The following TASOR variants were observed in gnomAD, a reference collection of about 807,000 sequenced individuals.
TASOR encodes the protein transcription activation suppressor, also known as protein TASOR.
In TASOR, 53 loss-of-function variants were observed where a neutral mutation model predicts 178.6. That is an observed-to-expected ratio of 0.30 (90% confidence interval 0.24 to 0.37). The LOEUF (loss-of-function observed/expected upper bound fraction) is 0.37. Among genes scored for constraint, TASOR ranks in the 10% least tolerant of loss-of-function variants. The pLI is 1.00. For missense variants in TASOR, 1,815 were observed against 1,971.4 expected, an observed-to-expected ratio of 0.92 and a Z score of 1.50; for synonymous variants, 713 against 696.2, an observed-to-expected ratio of 1.02 and a Z score of -0.38.
Position 56,621,742 on chromosome 3 carries a change from C to A in TASOR, c.*1295G>T. ...TATTTTTTTAAATGCTCATTAAAAA[C>A]TTGTATACTATGTAGTAAAATGCTG... On this transcript the variant is annotated 3_prime_UTR_variant, in exon 24 of 24. Transcript: ENST00000683822. 1.4e-5 allele frequency: 6 copies of A among 442,690 alleles called. No homozygotes were observed. The highest frequency in any genetic ancestry group is 4.7e-5 in the East Asian group (1 of 21,310). The allele number at this position is 442,690 out of a possible 1,614,324, so 27.4% of individuals were successfully genotyped here.
rs2076668930 is a variant in TASOR at position 56,621,792 on chromosome 3, A to ATACT, written c.*1241_*1244dup. 1 of 272,496 alleles carries ATACT rather than the reference A, an allele frequency of 3.7e-6. No individual in the cohort carries two copies. The highest frequency in any genetic ancestry group is 6.8e-6 in the Non-Finnish European group (1 of 147,648). 16.9% of individuals were successfully genotyped at this position (272,496 alleles called of 1,614,324 possible). A position where few individuals can be genotyped will look rare whatever the true frequency, so the allele number is the denominator to read the frequency against. ...GTACTTGTTCTATACAATAAAACAG[A>ATACT]TACTTCTTTTGTAAAAGCTTAGTAG... On this transcript the variant is annotated 3_prime_UTR_variant, in exon 24 of 24. Coordinates refer to ENST00000683822, the MANE Select transcript of TASOR (RefSeq NM_001365635.2).
chr3:56,641,523 C>T lies in TASOR; in HGVS notation c.2445G>A (p.Glu815=), dbSNP rs1387168185. 33 of 1,614,030 alleles carry T rather than the reference C, an allele frequency of 2.0e-5. No individual in the cohort carries two copies. Among genetic ancestry groups the T allele is most frequent in the Non-Finnish European group, 2.6e-5 (31 of 1,179,986 alleles). ...YEELRQKHEY[E]LNSTPDKKDY... is the part of the protein sequence containing the mutation. The stretch of plus-strand genomic sequence containing the variant: ...CTTTCTTATCTGGGGTAGAGTTCAA[C>T]TCATACTCATGTTTTTGCCTCAGCT... The change falls in exon 15 of 24, where the codon GAG becomes GAA. Residue 815 remains glutamate, a synonymous_variant. Transcript: ENST00000683822.
intron 7 of TASOR, 183 bp from the exon 8 acceptor site, chr3:56,663,755 C>T (rs79557821): frequency 0.016 from 17,210 of 1,045,222 alleles, 218 homozygotes; most frequent in African/African-American, 0.063. Flanking sequence ...TTAGAGAAAA[C>T]AGAAGTACTT....
At chr3:56,664,808 C>T (rs751634206) in intron 7 of TASOR, among the ~76,000 whole-genome samples, 31 of 152,142 alleles carry the variant, frequency 2.0e-4, no homozygotes, top group Non-Finnish European at 3.5e-4. Flanking sequence ...TAACTGCTTC[C>T]TATTTGGTCA....
At chr3:56,635,414 G>A (rs190841479) in intron 17 of TASOR, among the ~76,000 whole-genome samples, 11 of 152,276 alleles carry the variant, frequency 7.2e-5, no homozygotes, top group Admixed American at 3.9e-4. Flanking sequence ...ACATTAAAAT[G>A]TGCTTTAGTA....
At chr3:56,652,017 G>T (rs2107590305) in intron 11 of TASOR, among the ~76,000 whole-genome samples, 1 of 152,294 alleles carries the variant, frequency 6.6e-6, no homozygotes, top group South Asian at 2.1e-4. Flanking sequence ...ATGAAGTTCT[G>T]ATATATGCTA....
chr3:56,666,849 G>A (rs1412214781), intron 6 of TASOR, among the ~76,000 whole-genome samples: 1 of 152,160 alleles, frequency 6.6e-6, no homozygotes. Flanking sequence ...TCTGAACATA[G>A]GTGACAAAGA....
intron 1 of TASOR, among the ~76,000 whole-genome samples, chr3:56,680,276 T>C (rs898410367): frequency 2.6e-5 from 4 of 152,174 alleles, no homozygotes; most frequent in Admixed American, 1.3e-4. Context: ...CCACAAAACA[T>C]TGTTGAGATT....
rs1174059841 is a variant in TASOR at position 56,683,022 on chromosome 3, A to C, written c.-16T>G. Reference sequence around the variant, plus strand: ...CAGTCGCCATCGCGCCGGCCTAAGGAGCTCTGGGAAGCTTCTGCCCACAAG... The same window carrying C: ...CAGTCGCCATCGCGCCGGCCTAAGGCGCTCTGGGAAGCTTCTGCCCACAAG... On this transcript the variant is annotated 5_prime_UTR_variant, in exon 1 of 24. Transcript: ENST00000683822. 23 of 1,509,684 alleles carry C rather than the reference A, an allele frequency of 1.5e-5. No homozygotes were observed. Among genetic ancestry groups the C allele is most frequent in the Non-Finnish European group, 2.0e-5 (23 of 1,127,240 alleles). The allele number at this position is 1,509,684 out of a possible 1,614,324, so 93.5% of individuals were successfully genotyped here.
rs1455347099 is a variant in TASOR at position 56,621,354 on chromosome 3, G to GTGA, written c.*1680_*1682dup. 2.4e-6 allele frequency: 1 copy of GTGA among 410,318 alleles called. No individual in the cohort carries two copies. Among genetic ancestry groups the GTGA allele is most frequent in the African/African-American group, 2.1e-5 (1 of 48,740 alleles). The allele number at this position is 410,318 out of a possible 1,614,324, so 25.4% of individuals were successfully genotyped here. A position where few individuals can be genotyped will look rare whatever the true frequency, so the allele number is the denominator to read the frequency against. On this transcript the variant is annotated 3_prime_UTR_variant, in exon 24 of 24. Transcript: ENST00000683822. ...ATGCTAAAAACAGAATCTTACAAATGTGATAGCTATATATCCAAATGAGGT... is the reference window on the plus strand; with the variant it reads ...ATGCTAAAAACAGAATCTTACAAATGTGATGATAGCTATATATCCAAATGAGGT...
intron 1 of TASOR, among the ~76,000 whole-genome samples, chr3:56,681,223 T>A (rs1026747888): frequency 2.0e-5 from 3 of 152,156 alleles, no homozygotes; most frequent in Non-Finnish European, 4.4e-5. Context: ...CAGAGCCCAT[T>A]TGAATGTACT....
At position 56,641,454 on chromosome 3, in the gene TASOR, A is replaced by C; in HGVS notation, c.2514T>G (p.Phe838Leu). Residue 838 changes from phenylalanine (F) to leucine (L), a missense_variant, in exon 15 of 24, where the codon TTT becomes TTG. By Grantham distance (22) the Phe-to-Leu change is conservative (BLOSUM62 0). Coordinates refer to ENST00000683822, the MANE Select transcript of TASOR (RefSeq NM_001365635.2). ...PTCAKVENAQFKGTQSLLLEV... is the reference protein window; with the variant it reads ...PTCAKVENAQLKGTQSLLLEV... ...CTAGTAATAAGCTCTGAGTACCCTTAAACTGTGCATTTTCAACTTTTGCAC... is the reference window on the plus strand; with the variant it reads ...CTAGTAATAAGCTCTGAGTACCCTTCAACTGTGCATTTTCAACTTTTGCAC... The C allele has an allele frequency of 6.2e-7, 1 of 1,613,434 alleles. No homozygotes were observed. Among genetic ancestry groups the C allele is most frequent in the Non-Finnish European group, 8.5e-7 (1 of 1,179,330 alleles).
intron 11 of TASOR, among the ~76,000 whole-genome samples, chr3:56,654,045 T>C (rs9879536): frequency 0.053 from 8,034 of 152,192 alleles, 697 homozygotes; most frequent in African/African-American, 0.18. Flanking sequence ...GGCAGGCAGA[T>C]CACTTGAGCC....
intron 18 of TASOR, 103 bp from the exon 19 acceptor site, chr3:56,628,717 G>A: frequency 1.3e-6 from 1 of 742,232 alleles, no homozygotes; most frequent in Non-Finnish European, 2.1e-6. Context: ...CTACTACCAT[G>A]ACATTATTAA....
At position 56,668,447 on chromosome 3, in the gene TASOR, C is replaced by T. The variant is rs2030294018; in HGVS notation, c.847G>A (p.Ala283Thr). 4 of 1,551,648 alleles carry T rather than the reference C, an allele frequency of 2.6e-6. No individual in the cohort carries two copies. Among genetic ancestry groups the T allele is most frequent in the Admixed American group, 2.0e-5 (1 of 50,994 alleles). The change falls in exon 6 of 24, where the codon GCC becomes ACC. Residue 283 changes from alanine to threonine, a missense_variant. By Grantham distance (58) the Ala-to-Thr change is moderately conservative. Transcript: ENST00000683822. ...PKHECHVSKNANRITSLLAYR... is the reference protein window; with the variant it reads ...PKHECHVSKNTNRITSLLAYR... ...GCCAAAAGTGATGTAATTCGATTGG[C>T]ATTCTTTGACACGTGACATTCATGC...
At chr3:56,643,317 T>A (rs1030664831) in intron 14 of TASOR, among the ~76,000 whole-genome samples, 3 of 151,898 alleles carry the variant, frequency 2.0e-5, no homozygotes, top group Non-Finnish European at 4.4e-5. Flanking sequence ...CTGTCAAAAC[T>A]AATCATACTG....
At chr3:56,676,422 G>T (rs1012148456) in intron 1 of TASOR, among the ~76,000 whole-genome samples, 1 of 152,146 alleles carries the variant, frequency 6.6e-6, no homozygotes, top group African/African-American at 2.4e-5. Context: ...GTTATGGAAC[G>T]TAGGACAAAA....
intron 2 of TASOR, among the ~76,000 whole-genome samples, chr3:56,672,852 G>A (rs2030869868): frequency 1.3e-5 from 2 of 152,194 alleles, no homozygotes; most frequent in South Asian, 4.1e-4. Context: ...CTGAGACAGA[G>A]TTCTTGTTCT....
chr3:56,649,303 C>T (rs1257856986), intron 11 of TASOR, among the ~76,000 whole-genome samples: 1 of 152,196 alleles, frequency 6.6e-6, no homozygotes, highest in Non-Finnish European at 1.5e-5. Flanking sequence ...ACTCCCCTAA[C>T]TGCAAAACCA....
Sources: gnomAD v4.1 joint callset for allele counts (sites outside exome capture counted in the v4.1 genomes callset) on GRCh38, gnomAD v4.1.1 for gene constraint, MANE v1.5 for transcripts, NCBI Gene and HGNC (gene_info 2026-07-23, HGNC 2026-07-21) for gene names.